The following MALRD1 variants were observed in gnomAD, a reference collection of about 807,000 sequenced individuals.
The protein encoded by MALRD1 is MAM and LDL receptor class A domain containing 1, also known as MAM and LDL-receptor class A domain-containing protein 1.
MALRD1 carries 247 observed loss-of-function variants against 242.1 expected under a neutral mutation model. That is an observed-to-expected ratio of 1.02 (90% CI 0.92 to 1.13). The LOEUF (loss-of-function observed/expected upper bound fraction) is 1.13, where lower values mean the gene tolerates loss of function less well. Ranked by LOEUF, MALRD1 falls within the 50% of genes most tolerant of loss-of-function variation. The pLI is 0.00. For synonymous variants in MALRD1, 995 were observed against 866.6 expected, an observed-to-expected ratio of 1.15 and a Z score of -2.60; for missense variants, 2,989 against 2,533.1, an observed-to-expected ratio of 1.18 and a Z score of -3.86.
intron 28 of MALRD1, among the ~76,000 whole-genome samples, chr10:19,422,460 G>C (rs547373422): frequency 1.3e-5 from 2 of 152,062 alleles, no homozygotes; most frequent in African/African-American, 2.4e-5. Flanking sequence ...AAACCTGAAG[G>C]CTAGTTAGAC....
intron 18 of MALRD1, among the ~76,000 whole-genome samples, chr10:19,243,871 G>T (rs1219230831): frequency 1.3e-5 from 2 of 151,992 alleles, no homozygotes; most frequent in Non-Finnish European, 2.9e-5. Context: ...TTTCCAGAAG[G>T]CTTAATAGAA....
intron 21 of MALRD1, chr10:19,290,530 C>A (rs1841367093): frequency 6.6e-6 from 1 of 152,068 alleles, no homozygotes; most frequent in African/African-American, 2.4e-5. Flanking sequence ...TTGCAATTTA[C>A]ATGTTTTTTT....
chr10:19,658,780 C>T (rs985003171), intron 36 of MALRD1, among the ~76,000 whole-genome samples: 3 of 152,160 alleles, frequency 2.0e-5, no homozygotes, highest in Non-Finnish European at 4.4e-5. Context: ...CAATTTCATA[C>T]TATTTCTTTT....
intron 28 of MALRD1, among the ~76,000 whole-genome samples, chr10:19,443,628 G>C (rs1187670759): frequency 2.0e-5 from 3 of 152,182 alleles, no homozygotes; most frequent in African/African-American, 7.2e-5. Flanking sequence ...TAGTTGAGCG[G>C]TTTTGAGTGA....
chr10:19,109,812 CCTT>C (rs1836611364), intron 5 of MALRD1, among the ~76,000 whole-genome samples: 1 of 152,184 alleles, frequency 6.6e-6, no homozygotes, highest in African/African-American at 2.4e-5. Context: ...AATGTGCGCT[CCTT>C]CTTTGGAGCA....
At chr10:19,552,256 T>C (rs972338973) in intron 32 of MALRD1, among the ~76,000 whole-genome samples, 2 of 152,130 alleles carry the variant, frequency 1.3e-5, no homozygotes, top group Non-Finnish European at 2.9e-5. Context: ...TTATTACTGC[T>C]TCAATTTCAG....
At chr10:19,422,233 C>T (rs907418681) in intron 28 of MALRD1, among the ~76,000 whole-genome samples, 2 of 152,182 alleles carry the variant, frequency 1.3e-5, no homozygotes, top group Non-Finnish European at 2.9e-5. Context: ...AGATGGAATG[C>T]CACTTTGCAG....
At chr10:19,520,332 G>A (rs933117734) in intron 31 of MALRD1, among the ~76,000 whole-genome samples, 1 of 150,632 alleles carries the variant, frequency 6.6e-6, no homozygotes, top group Non-Finnish European at 1.5e-5. Flanking sequence ...GCTGCAATTG[G>A]TATCATCTTT....
At chr10:19,708,340 CTTT>C (rs545136011) in intron 38 of MALRD1, among the ~76,000 whole-genome samples, 1 of 76,082 alleles carries the variant, frequency 1.3e-5, no homozygotes. Flanking sequence ...TTTTCTTTTT[CTTT>C]TTTTTTTTTT....
intron 38 of MALRD1, among the ~76,000 whole-genome samples, chr10:19,697,587 C>T (rs2131838135): frequency 6.6e-6 from 1 of 152,246 alleles, no homozygotes; most frequent in South Asian, 2.1e-4. Flanking sequence ...TTCACACCCC[C>T]AGCAAGAGCG....
In MALRD1 at chr10:19,087,891, G is replaced by C. The variant is rs147349462; in HGVS notation, c.392G>C (p.Arg131Thr). ...GTGGATTCTATTTCCTCAAGTTTAA[G>C]AAGCAGAGTTTTCCTTCCAACAAAT... ...SRVDSISSSLRSRVFLPTNDQ... is the reference protein window; with the variant it reads ...SRVDSISSSLTSRVFLPTNDQ... The change falls in exon 3 of 40, where the codon AGA (arginine) becomes ACA (threonine). Residue 131 changes from arginine (R) to threonine (T), a missense_variant. By Grantham distance (71) the Arg-to-Thr change is moderately conservative (BLOSUM62 -1). Transcript: ENST00000454679. 2.5e-4 allele frequency: 304 copies of C among 1,231,526 alleles called. No individual in the cohort carries two copies. The African/African-American group carries it at 4.2e-3, about 17-fold the overall frequency. The allele number at this position is 1,231,526 out of a possible 1,614,324, so 76.3% of individuals were successfully genotyped here. A position where few individuals can be genotyped will look rare whatever the true frequency, so the allele number is the denominator to read the frequency against.
At chr10:19,493,752 G>T (rs1480129615) in intron 30 of MALRD1, among the ~76,000 whole-genome samples, 1 of 152,044 alleles carries the variant, frequency 6.6e-6, no homozygotes, top group African/African-American at 2.4e-5. Flanking sequence ...GGTGGAGGTT[G>T]CAGTGAGCTG....
At chr10:19,420,621 A>G (rs1301519492) in intron 28 of MALRD1, among the ~76,000 whole-genome samples, 1 of 152,102 alleles carries the variant, frequency 6.6e-6, no homozygotes, top group East Asian at 1.9e-4. Context: ...TAGATAAGGA[A>G]CATGTTATTT....
chr10:19,497,044 G>A (rs1837750334), intron 30 of MALRD1, among the ~76,000 whole-genome samples: 1 of 152,096 alleles, frequency 6.6e-6, no homozygotes, highest in Non-Finnish European at 1.5e-5. Context: ...CATATATTAA[G>A]CAAAGCGGGA....
chr10:19,556,453 C>CT (rs1289707609), intron 32 of MALRD1, among the ~76,000 whole-genome samples: 2 of 151,834 alleles, frequency 1.3e-5, no homozygotes, highest in Admixed American at 6.6e-5. Flanking sequence ...CCCCAAAACC[C>CT]TTTTTTTTAC....
intron 36 of MALRD1, among the ~76,000 whole-genome samples, chr10:19,662,551 A>T (rs566465246): frequency 2.0e-5 from 3 of 152,306 alleles, no homozygotes; most frequent in Admixed American, 2.0e-4. Context: ...TAGCATTTCT[A>T]AGATGTAAAG....
At chr10:19,071,378 C>T (rs1002436449) in intron 2 of MALRD1, among the ~76,000 whole-genome samples, 3 of 151,060 alleles carry the variant, frequency 2.0e-5, no homozygotes, top group Non-Finnish European at 4.4e-5. Context: ...GGCTGCCCTT[C>T]GTGGTTTCTC....
At chr10:19,334,119 G>GTTTTTTTTT (rs56931838) in intron 24 of MALRD1, among the ~76,000 whole-genome samples, 10 of 66,780 alleles carry the variant, frequency 1.5e-4, no homozygotes, top group East Asian at 4.8e-4. Flanking sequence ...CTGTTGGTAG[G>GTTTTTTTTT]TTTTTTTTTT....
At chr10:19,190,312 TAATGA>T (rs1835916776) in intron 14 of MALRD1, among the ~76,000 whole-genome samples, 1 of 152,020 alleles carries the variant, frequency 6.6e-6, no homozygotes, top group Admixed American at 6.6e-5. Context: ...AAAATATAGA[TAATGA>T]AAAGACATTC....
Sources: gnomAD v4.1 joint callset for allele counts (sites outside exome capture counted in the v4.1 genomes callset) on GRCh38, gnomAD v4.1.1 for gene constraint, MANE v1.5 for transcripts, NCBI Gene and HGNC (gene_info 2026-07-23, HGNC 2026-07-21) for gene names.